The following PXT1 variants were observed in gnomAD, a reference collection of about 807,000 sequenced individuals.
PXT1 encodes the protein peroxisomal testis enriched protein 1.
A neutral mutation model predicts 11.0 loss-of-function variants in PXT1; 11 were observed. That is an observed-to-expected ratio of 1.00 (90% confidence interval 0.63 to 1.66). The LOEUF (loss-of-function observed/expected upper bound fraction) is 1.66, where lower values mean the gene tolerates loss of function less well. Ranked by LOEUF, PXT1 falls within the 40% of genes most tolerant of loss-of-function variation. PXT1 has a pLI of 0.00. For missense variants in PXT1, 141 were observed against 155.5 expected (o/e 0.91, Z 0.49); for synonymous variants, 43 against 51.4 (o/e 0.84, Z 0.70).
chr6:36,425,805 AATATATATAT>A (rs148236984), intron 3 of PXT1, 99 bp downstream of exon 3: 2 of 334,958 alleles, frequency 6.0e-6, no homozygotes, highest in African/African-American at 2.3e-5. Context: ...AAAAACAAAA[AATATATATAT>A]ATATATATAT....
chr6:36,431,326 A>G lies in PXT1; in HGVS notation c.-9-5235T>C, dbSNP rs544909619. Among the ~76,000 whole-genome samples the G allele has an allele frequency of 2.0e-4, 30 of 152,348 alleles. No homozygotes were observed. In the East Asian group the frequency reaches 5.6e-3, roughly 28 times the overall value. On this transcript the variant is annotated intron_variant, in intron 2 of 4. Coordinates refer to ENST00000454782, the MANE Select transcript of PXT1 (RefSeq NM_152990.4). The stretch of plus-strand genomic sequence containing the variant: ...AGCAAGCAGTGTATGTTGGTTGACA[A>G]TGAAAAATATTGATCTTTTACTGAA...
At chr6:36,407,177 T>C (rs564796801) in intron 3 of PXT1, among the ~76,000 whole-genome samples, 101 of 152,338 alleles carry the variant, frequency 6.6e-4, no homozygotes, top group Non-Finnish European at 1.2e-3. Flanking sequence ...TAAAACAGAT[T>C]GAGAGCTGTG....
At chr6:36,436,217 A>AT (rs1402448119) in intron 2 of PXT1, among the ~76,000 whole-genome samples, 3 of 151,486 alleles carry the variant, frequency 2.0e-5, no homozygotes, top group African/African-American at 7.3e-5. Context: ...AGGGCTTTAG[A>AT]TTTTGTCCTA....
At chr6:36,423,208 G>A (rs1031700602) in intron 3 of PXT1, among the ~76,000 whole-genome samples, 1 of 152,210 alleles carries the variant, frequency 6.6e-6, no homozygotes, top group Admixed American at 6.5e-5. Flanking sequence ...AGAAGCCACT[G>A]AGGGGAGAGG....
chr6:36,401,237 A>G (rs188910417), intron 3 of PXT1, among the ~76,000 whole-genome samples: 465 of 152,148 alleles, frequency 3.1e-3, no homozygotes, highest in African/African-American at 6.6e-3. Context: ...AGTCTTTGAA[A>G]TTTGGTGTTT....
At chr6:36,399,884 C>T (rs1330008253) in intron 4 of PXT1, among the ~76,000 whole-genome samples, 2 of 152,146 alleles carry the variant, frequency 1.3e-5, no homozygotes, top group South Asian at 2.1e-4. Flanking sequence ...TCCTACCCTT[C>T]GGGCTGATTC....
chr6:36,414,999 C>T (rs1774428236), intron 3 of PXT1, among the ~76,000 whole-genome samples: 1 of 152,218 alleles, frequency 6.6e-6, no homozygotes, highest in Admixed American at 6.5e-5. Context: ...CATGCCCTTT[C>T]ATAATCAAAT....
At chr6:36,423,556 T>G (rs1301673625) in intron 3 of PXT1, among the ~76,000 whole-genome samples, 2 of 152,350 alleles carry the variant, frequency 1.3e-5, no homozygotes, top group African/African-American at 4.8e-5. Context: ...GAGGCCGGGT[T>G]CCCGAATTAC....
chr6:36,402,912 CAGTATTTTTCTT>C (rs968100106), intron 3 of PXT1, among the ~76,000 whole-genome samples: 18 of 151,552 alleles, frequency 1.2e-4, no homozygotes, highest in African/African-American at 3.6e-4. Flanking sequence ...GACCAAGCAT[CAGTATTTTTCTT>C]TTTATTTTTC....
chr6:36,437,977 G>A (rs765325027), intron 2 of PXT1, among the ~76,000 whole-genome samples: 1 of 151,204 alleles, frequency 6.6e-6, no homozygotes, highest in Non-Finnish European at 1.5e-5. Context: ...CTGCCACCAC[G>A]CCCAGCTAAT....
Position 36,425,800 on chromosome 6 carries a change from C to CAAAAACAAACAAACAAA in PXT1, c.169+113_169+114insTTTGTTTGTTTGTTTTT, listed in dbSNP as rs1433662209. Reference sequence around the variant, plus strand: ...GAGACTCTGTCTCAAAAAACAAAAACAAAAAATATATATATATATATATAT... The same window carrying CAAAAACAAACAAACAAA: ...GAGACTCTGTCTCAAAAAACAAAAACAAAAACAAACAAACAAAAAAAAATATATATATATATATATAT... On this transcript the variant is annotated intron_variant, in intron 3 of 4. Coordinates refer to ENST00000454782, the MANE Select transcript of PXT1 (RefSeq NM_152990.4). The CAAAAACAAACAAACAAA allele has an allele frequency of 1.4e-3, 302 of 216,686 alleles. 3 individuals are homozygous for CAAAAACAAACAAACAAA. Among genetic ancestry groups the CAAAAACAAACAAACAAA allele is most frequent in the African/African-American group, 9.7e-3 (289 of 29,778 alleles). The allele number at this position is 216,686 out of a possible 1,614,324, so 13.4% of individuals were successfully genotyped here.
At chr6:36,407,870 G>A (rs1398253031) in intron 3 of PXT1, among the ~76,000 whole-genome samples, 1 of 151,998 alleles carries the variant, frequency 6.6e-6, no homozygotes, top group Non-Finnish European at 1.5e-5. Context: ...TGGATCAGAA[G>A]TGGACACCTG....
chr6:36,425,128 A>G (rs1774584192), intron 3 of PXT1, among the ~76,000 whole-genome samples: 1 of 152,300 alleles, frequency 6.6e-6, no homozygotes, highest in South Asian at 2.1e-4. Context: ...AAAACATAAA[A>G]CTTTAATTTT....
rs549882198 is a variant in PXT1, at chr6:36,413,624, AT to A, written c.169+12289del. Among the ~76,000 whole-genome samples the A allele has an allele frequency of 1.2e-4, 19 of 152,262 alleles. No homozygotes were observed. In the South Asian group the frequency reaches 3.9e-3, roughly 32 times the overall value. ...TGGATATTATAATATAGTGGGAGAA[AT>A]TTTTTAATGCCCTCAAAGATGTTAT... On this transcript the variant is annotated intron_variant, in intron 3 of 4. Coordinates refer to ENST00000454782, the MANE Select transcript of PXT1 (RefSeq NM_152990.4).
At chr6:36,426,802 A>C (rs561595532) in intron 2 of PXT1, among the ~76,000 whole-genome samples, 1 of 148,916 alleles carries the variant, frequency 6.7e-6, no homozygotes, top group Admixed American at 6.8e-5. Flanking sequence ...GTGGAGATGG[A>C]ATACAACACA....
Position 36,391,887 on chromosome 6 carries a change from A to T in PXT1, c.301-13T>A. On this transcript the variant is annotated splice_polypyrimidine_tract_variant and intron_variant, in intron 4 of 4. Transcript: ENST00000454782. Reference sequence around the variant, plus strand: ...CCTGTTGAAGATCCTATTTGAAAAAAGGGAGACACAGAGAAAGGTTTTTTT... The same window carrying T: ...CCTGTTGAAGATCCTATTTGAAAAATGGGAGACACAGAGAAAGGTTTTTTT... 2 of 1,521,528 alleles carry T rather than the reference A, an allele frequency of 1.3e-6. No individual in the cohort carries two copies. Among genetic ancestry groups the T allele is most frequent in the East Asian group, 2.3e-5 (1 of 44,070 alleles). 94.3% of individuals were successfully genotyped at this position (1,521,528 alleles called of 1,614,324 possible).
chr6:36,424,610 G>A (rs555877615), intron 3 of PXT1, among the ~76,000 whole-genome samples: 19 of 152,310 alleles, frequency 1.2e-4, no homozygotes, highest in Non-Finnish European at 2.2e-4. Context: ...CTGCACTCCA[G>A]CCTGGGTGAC....
At chr6:36,400,853 C>A (rs1269420568) in intron 3 of PXT1, among the ~76,000 whole-genome samples, 1 of 151,914 alleles carries the variant, frequency 6.6e-6, no homozygotes, top group Non-Finnish European at 1.5e-5. Context: ...GCCTGTAATC[C>A]CTGCTACTCA....
chr6:36,426,355 C>CTTTTTTTTTTT (rs751410377), intron 2 of PXT1, among the ~76,000 whole-genome samples: 2 of 76,820 alleles, frequency 2.6e-5, no homozygotes, highest in Non-Finnish European at 2.4e-5. Context: ...CTCTCTCTCG[C>CTTTTTTTTTTT]TTTTTTTTTT....
Sources: gnomAD v4.1 joint callset for allele counts (sites outside exome capture counted in the v4.1 genomes callset) on GRCh38, gnomAD v4.1.1 for gene constraint, MANE v1.5 for transcripts, NCBI Gene and HGNC (gene_info 2026-07-23, HGNC 2026-07-21) for gene names.